Variants in DENND1B observed in about 807,000 individuals in gnomAD.
DENND1B encodes DENN domain-containing protein 1B.
In DENND1B, 59 loss-of-function variants were observed where a neutral mutation model predicts 90.1. The ratio of observed to expected loss-of-function variants is 0.65; its 90% CI spans 0.53 to 0.81. The LOEUF is 0.81. Among genes scored for constraint, DENND1B ranks in the 40% least tolerant of loss-of-function variants. The pLI, the probability that DENND1B is intolerant of heterozygous loss-of-function variation, is 0.00. For synonymous variants in DENND1B, 337 were observed against 324.6 expected (o/e 1.04, Z -0.41); for missense variants, 862 against 912.6 (o/e 0.94, Z 0.71).
At chr1:197,627,926 T>C (rs1273939519) in intron 10 of DENND1B, among the ~76,000 whole-genome samples, 1 of 152,072 alleles carries the variant, frequency 6.6e-6, no homozygotes, top group Non-Finnish European at 1.5e-5. Flanking sequence ...CCATTCACAA[T>C]TGCTTCAAAG....
chr1:197,512,012 C>G, intron 21 of DENND1B, 68 bp from the exon 22 acceptor site: 1 of 1,172,810 alleles, frequency 8.5e-7, no homozygotes, highest in Non-Finnish European at 1.2e-6. Context: ...TAATCTCTCA[C>G]CAGTTACATT....
At chr1:197,758,168 T>C (rs1775454) in intron 2 of DENND1B, among the ~76,000 whole-genome samples, 124,934 of 152,160 alleles carry the variant, frequency 0.82, 51,372 homozygotes, top group Middle Eastern at 0.87. Flanking sequence ...TCAGATTCGG[T>C]ACTACAAACT....
chr1:197,592,179 G>A (rs1489098363), intron 14 of DENND1B, among the ~76,000 whole-genome samples: 1 of 148,944 alleles, frequency 6.7e-6, no homozygotes, highest in East Asian at 2.0e-4. Flanking sequence ...CCACACTAGA[G>A]CAAGAGAGGG....
chr1:197,582,821 G>A (rs966758375), intron 15 of DENND1B, among the ~76,000 whole-genome samples: 74 of 152,130 alleles, frequency 4.9e-4, no homozygotes, highest in Middle Eastern at 6.8e-3. Context: ...TTAGTTTACC[G>A]TATCAATCCA....
At position 197,558,851 on chromosome 1, in the gene DENND1B, T is replaced by C. The variant is rs561393574; in HGVS notation, c.1150-5739A>G. Among the ~76,000 whole-genome samples, 8 of 152,052 alleles carry C rather than the reference T, an allele frequency of 5.3e-5. No individual in the cohort carries two copies. In the East Asian group the frequency reaches 1.6e-3, roughly 30 times the overall value. ...ATCTGTTGCTTTAAATATACTTCAG[T>C]AAGTAATACTGTTAAATGAAAATTA... On this transcript the variant is annotated intron_variant, in intron 15 of 22. Transcript: ENST00000620048.
intron 5 of DENND1B, among the ~76,000 whole-genome samples, chr1:197,658,979 A>T (rs1237061974): frequency 6.6e-6 from 1 of 150,906 alleles, no homozygotes; most frequent in Admixed American, 6.6e-5. Context: ...AAAATATTAA[A>T]TCCAAAAATC....
rs116507001 is a variant in DENND1B, at chr1:197,587,742, G to A, written c.1048-4489C>T. Among the ~76,000 whole-genome samples the A allele has an allele frequency of 6.7e-3, 1,015 of 152,048 alleles. 13 individuals carry two copies. The highest frequency in any genetic ancestry group is 0.02 in the African/African-American group (843 of 41,484). ...AATAGTTGTGGGATAATTCAAGCGCGTTACGTTTATTGTGTACTTTATTTA... is the reference window on the plus strand; with the variant it reads ...AATAGTTGTGGGATAATTCAAGCGCATTACGTTTATTGTGTACTTTATTTA... On this transcript the variant is annotated intron_variant, in intron 14 of 22. Transcript: ENST00000620048.
At chr1:197,563,254 T>C (rs1344302405) in intron 15 of DENND1B, among the ~76,000 whole-genome samples, 1 of 151,978 alleles carries the variant, frequency 6.6e-6, no homozygotes, top group Non-Finnish European at 1.5e-5. Context: ...TCCACGACAT[T>C]CATAGCTAGA....
chr1:197,758,318 T>G (rs1196949401), intron 2 of DENND1B, among the ~76,000 whole-genome samples: 2 of 152,226 alleles, frequency 1.3e-5, no homozygotes, highest in Admixed American at 1.3e-4. Flanking sequence ...ATGTGACCTT[T>G]CTTTAGCATT....
intron 2 of DENND1B, among the ~76,000 whole-genome samples, chr1:197,744,584 G>T (rs1372001659): frequency 6.6e-6 from 1 of 152,104 alleles, no homozygotes; most frequent in African/African-American, 2.4e-5. Flanking sequence ...TGTCATTCAG[G>T]CTTTGTTATT....
intron 2 of DENND1B, chr1:197,736,145 T>TAA (rs35362999): frequency 2.5e-4 from 128 of 502,316 alleles, no homozygotes; most frequent in South Asian, 4.2e-4. Flanking sequence ...ATATTGGACT[T>TAA]AAAAAAAAAA....
At chr1:197,764,303 A>G (rs1010857049) in intron 2 of DENND1B, among the ~76,000 whole-genome samples, 1 of 152,224 alleles carries the variant, frequency 6.6e-6, no homozygotes, top group Non-Finnish European at 1.5e-5. Context: ...TGGAAGATGT[A>G]GGCTCTTGGC....
chr1:197,562,234 CACA>C (rs1672230617), intron 15 of DENND1B, among the ~76,000 whole-genome samples: 1 of 151,860 alleles, frequency 6.6e-6, no homozygotes, highest in Non-Finnish European at 1.5e-5. Flanking sequence ...ATGTACCCCA[CACA>C]AAACACTTCC....
chr1:197,746,881 A>G, intron 2 of DENND1B: 1 of 1,612,286 alleles, frequency 6.2e-7, no homozygotes, highest in Non-Finnish European at 8.5e-7. Flanking sequence ...TGTGGCAGGC[A>G]ACTGCTTTGG....
chr1:197,573,026 C>T (rs1673318611), intron 15 of DENND1B, among the ~76,000 whole-genome samples: 1 of 152,122 alleles, frequency 6.6e-6, no homozygotes, highest in Non-Finnish European at 1.5e-5. Flanking sequence ...TGATTCTTCT[C>T]TCTTTTTTTC....
chr1:197,510,322 A>C lies in DENND1B; in HGVS notation c.*138T>G. ...ATCAATGCATTTCATATATCCTCGAAATGAACAAGTGAGAAAAATGTTGCA... is the reference window on the plus strand; with the variant it reads ...ATCAATGCATTTCATATATCCTCGACATGAACAAGTGAGAAAAATGTTGCA... On this transcript the variant is annotated 3_prime_UTR_variant, in exon 23 of 23. Transcript: ENST00000620048. 2 of 977,472 alleles carry C rather than the reference A, an allele frequency of 2.0e-6. No homozygotes were observed. Among genetic ancestry groups the C allele is most frequent in the Non-Finnish European group, 2.9e-6 (2 of 686,660 alleles). 60.5% of individuals were successfully genotyped at this position (977,472 alleles called of 1,614,324 possible).
At chr1:197,627,163 C>G (rs547768544) in intron 10 of DENND1B, among the ~76,000 whole-genome samples, 3 of 152,196 alleles carry the variant, frequency 2.0e-5, no homozygotes, top group Non-Finnish European at 4.4e-5. Flanking sequence ...AGGGAATCCT[C>G]CCTAACTCAT....
At chr1:197,643,567 T>C (rs921702896) in intron 9 of DENND1B, among the ~76,000 whole-genome samples, 23 of 152,206 alleles carry the variant, frequency 1.5e-4, no homozygotes, top group African/African-American at 5.1e-4. Flanking sequence ...CCATTCACTA[T>C]GCAGGCACAA....
Position 197,510,248 on chromosome 1 carries a change from C to A in DENND1B, c.*212G>T, listed in dbSNP as rs1421389. 568,391 of 578,702 alleles carry A rather than the reference C, an allele frequency of 0.98. 279,752 individuals are homozygous for A. The highest frequency in any genetic ancestry group is 1 in the South Asian group (41,599 of 41,624). 35.8% of individuals were successfully genotyped at this position (578,702 alleles called of 1,614,324 possible). Reference sequence around the variant, plus strand: ...AATACATACTTTAAACATACATACACACTAGTACCTGATTTAAAAGCACAG... The same window carrying A: ...AATACATACTTTAAACATACATACAAACTAGTACCTGATTTAAAAGCACAG... On this transcript the variant is annotated 3_prime_UTR_variant, in exon 23 of 23. Transcript: ENST00000620048.
Sources: allele counts gnomAD v4.1 joint callset (sites outside exome capture counted in the v4.1 genomes callset), GRCh38; gene constraint gnomAD v4.1.1; transcripts MANE v1.5; gene names NCBI Gene and HGNC (gene_info 2026-07-23, HGNC 2026-07-21).